OTUD1: variants seen among roughly 807,000 people sequenced by gnomAD.
OTUD1 encodes OTU deubiquitinase 1.
A neutral mutation model predicts 30.0 loss-of-function variants in OTUD1; 15 were observed. The observed-to-expected ratio is 0.50, with a 90% CI of 0.33 to 0.77. The LOEUF (loss-of-function observed/expected upper bound fraction) is 0.77, where lower values mean the gene tolerates loss of function less well. Ranked by LOEUF, OTUD1 falls within the 30% of genes least tolerant of loss-of-function variation. The pLI is 0.02. For synonymous variants in OTUD1, 381 were observed against 326.3 expected (o/e 1.17, Z -1.81); for missense variants, 796 against 697.8 (o/e 1.14, Z -1.59).
chr10:23,439,759 A>G lies in OTUD1; in HGVS notation c.302A>G (p.Lys101Arg). 6.9e-6 allele frequency: 8 copies of G among 1,158,112 alleles called. No individual in the cohort carries two copies. Among genetic ancestry groups the G allele is most frequent in the Non-Finnish European group, 8.5e-6 (8 of 944,120 alleles). 71.7% of individuals were successfully genotyped at this position (1,158,112 alleles called of 1,614,324 possible). Residue 101 changes from lysine to arginine, a missense_variant, in exon 1 of 1, where the codon AAG (lysine) becomes AGG (arginine). Coordinates refer to ENST00000376495, the MANE Select transcript of OTUD1 (RefSeq NM_001145373.3). ...AAAGPPGASCKPPLPPHYTST... is the reference protein window; with the variant it reads ...AAAGPPGASCRPPLPPHYTST... ...GCCGGCCCGCCCGGCGCGTCCTGCAAGCCGCCGCTGCCGCCGCACTACACG... is the reference window on the plus strand; with the variant it reads ...GCCGGCCCGCCCGGCGCGTCCTGCAGGCCGCCGCTGCCGCCGCACTACACG...
rs74122449 is a variant in OTUD1, at chr10:23,440,342, C to G, written c.885C>G (p.Ala295=). The G allele has an allele frequency of 1.9e-6, 3 of 1,551,308 alleles. No homozygotes were observed. The South Asian group carries it at 3.6e-5, about 18-fold the overall frequency. ...PRDEKLALYL[A]EVEKQDKYLR... The stretch of plus-strand genomic sequence containing the variant: ...ACGAGAAGCTGGCCCTATACCTGGC[C>G]GAGGTGGAGAAGCAGGACAAGTATC... Residue 295 remains alanine (A), a synonymous_variant, in exon 1 of 1, where the codon GCC becomes GCG. Coordinates refer to ENST00000376495, the MANE Select transcript of OTUD1 (RefSeq NM_001145373.3).
chr10:23,440,951 T>G lies in OTUD1; in HGVS notation c.*48T>G, dbSNP rs938312568. 16 of 1,497,634 alleles carry G rather than the reference T, an allele frequency of 1.1e-5. No individual in the cohort carries two copies. The highest frequency in any genetic ancestry group is 2.2e-5 in the Admixed American group (1 of 44,994). The allele number at this position is 1,497,634 out of a possible 1,614,324, so 92.8% of individuals were successfully genotyped here. On this transcript the variant is annotated 3_prime_UTR_variant, in exon 1 of 1. Coordinates refer to ENST00000376495, the MANE Select transcript of OTUD1 (RefSeq NM_001145373.3). ...TGGGAATAATTGCATATATAACTTG[T>G]GTTTGGAGAATCACATGAACTTTAA...
rs1187954246 is a variant in OTUD1, at chr10:23,439,629, G to A, written c.172G>A (p.Ala58Thr). 7.7e-7 allele frequency: 1 copy of A among 1,296,546 alleles called. No individual in the cohort carries two copies. Among genetic ancestry groups the A allele is most frequent in the Non-Finnish European group, 9.8e-7 (1 of 1,019,180 alleles). 80.3% of individuals were successfully genotyped at this position (1,296,546 alleles called of 1,614,324 possible). Residue 58 changes from alanine (A) to threonine (T), a missense_variant, in exon 1 of 1, where the codon GCC becomes ACC. Ala to Thr is a moderately conservative substitution (Grantham distance 58). Coordinates refer to ENST00000376495, the MANE Select transcript of OTUD1 (RefSeq NM_001145373.3). ...GACCGGTGAGTGCCAGCCCGCCGCG[G>A]CCGCCGAGCACCGGGAAGCCGCCGC... ...PETGECQPAA[A>T]AEHREAAAVP...
At position 23,440,095 on chromosome 10, in the gene OTUD1, C is replaced by T. The variant is rs1459612833; in HGVS notation, c.638C>T (p.Thr213Ile). The T allele has an allele frequency of 7.0e-7, 1 of 1,426,638 alleles. No homozygotes were observed. Among genetic ancestry groups the T allele is most frequent in the Non-Finnish European group, 9.1e-7 (1 of 1,098,880 alleles). The allele number at this position is 1,426,638 out of a possible 1,614,324, so 88.4% of individuals were successfully genotyped here. Reference sequence around the variant, plus strand: ...GCCAAGCACCGAGGCCCCGCGGCGACCCCGGGGAGCCCCGATCCCGGCCCC... The same window carrying T: ...GCCAAGCACCGAGGCCCCGCGGCGATCCCGGGGAGCCCCGATCCCGGCCCC... ...AAAKHRGPAA[T>I]PGSPDPGPGP... Residue 213 changes from threonine (T) to isoleucine (I), a missense_variant, in exon 1 of 1, where the codon ACC (threonine) becomes ATC (isoleucine). Thr to Ile is a moderately conservative substitution (Grantham distance 89). Transcript: ENST00000376495.
In OTUD1 at chr10:23,440,396, C is replaced by T. The variant is rs1362791510; in HGVS notation, c.939C>T (p.His313=). ...GGCAGAGGAATAAGTACCGATTCCA[C>T]ATCATTCCAGACGGCAACTGCCTCT... ...YLRQRNKYRF[H]IIPDGNCLYR... The change falls in exon 1 of 1, where the codon CAC becomes CAT. Residue 313 remains histidine, a synonymous_variant. Coordinates refer to ENST00000376495, the MANE Select transcript of OTUD1 (RefSeq NM_001145373.3). The T allele has an allele frequency of 1.9e-6, 3 of 1,551,650 alleles. No homozygotes were observed. The highest frequency in any genetic ancestry group is 1.4e-5 in the African/African-American group (1 of 73,176).
In OTUD1 at chr10:23,440,146, C is replaced by G. The variant is rs1413605211; in HGVS notation, c.689C>G (p.Ala230Gly). Residue 230 changes from alanine to glycine, a missense_variant, in exon 1 of 1, where the codon GCG (alanine) becomes GGG (glycine). By Grantham distance (60) the Ala-to-Gly change is moderately conservative. Coordinates refer to ENST00000376495, the MANE Select transcript of OTUD1 (RefSeq NM_001145373.3). The stretch of plus-strand genomic sequence containing the variant: ...GGTCCGTGGGGCGAAGAGCACTTGG[C>G]GGAGAGGGGCCCCAGGGGCTGGGAG... ...GPGPWGEEHL[A>G]ERGPRGWERG... 4.9e-6 allele frequency: 7 copies of G among 1,438,426 alleles called. No individual in the cohort carries two copies. Among genetic ancestry groups the G allele is most frequent in the Non-Finnish European group, 6.3e-6 (7 of 1,102,496 alleles). 89.1% of individuals were successfully genotyped at this position (1,438,426 alleles called of 1,614,324 possible). A position where few individuals can be genotyped will look rare whatever the true frequency, so the allele number is the denominator to read the frequency against.
chr10:23,440,261 G>A lies in OTUD1; in HGVS notation c.804G>A (p.Glu268=), dbSNP rs1352719021. The A allele has an allele frequency of 1.9e-6, 3 of 1,546,356 alleles. No homozygotes were observed. Among genetic ancestry groups the A allele is most frequent in the Non-Finnish European group, 1.7e-6 (2 of 1,143,732 alleles). ...EAEAPPAGSI[E]AAPSSAAEPV... is the part of the protein sequence containing the mutation. ...AGGCACCCCCCGCCGGGAGCATCGA[G>A]GCCGCCCCGAGTAGTGCGGCGGAGC... Residue 268 remains glutamate, a synonymous_variant, in exon 1 of 1, where the codon GAG becomes GAA. Transcript: ENST00000376495.
chr10:23,439,410 G>A lies in OTUD1; in HGVS notation c.-48G>A. 3.2e-6 allele frequency: 4 copies of A among 1,233,272 alleles called. No individual in the cohort carries two copies. The highest frequency in any genetic ancestry group is 3.0e-5 in the South Asian group (1 of 33,188). 76.4% of individuals were successfully genotyped at this position (1,233,272 alleles called of 1,614,324 possible). On this transcript the variant is annotated 5_prime_UTR_variant, in exon 1 of 1. Coordinates refer to ENST00000376495, the MANE Select transcript of OTUD1 (RefSeq NM_001145373.3). ...CCCGGGCCCGGAGGGTGTGTCCCCC[G>A]CTCCGGGGCTCGCCGCGCCTATAAG...
rs1398899578 is a variant in OTUD1, at chr10:23,440,279, G to A, written c.822G>A (p.Ala274=). The A allele has an allele frequency of 6.5e-7, 1 of 1,549,786 alleles. No homozygotes were observed. Among genetic ancestry groups the A allele is most frequent in the Non-Finnish European group, 8.7e-7 (1 of 1,146,356 alleles). Residue 274 remains alanine (A), a synonymous_variant, in exon 1 of 1, where the codon GCG becomes GCA. Transcript: ENST00000376495. ...GCATCGAGGCCGCCCCGAGTAGTGCGGCGGAGCCGGTGATCGTCTCCAGGT... is the reference window on the plus strand; with the variant it reads ...GCATCGAGGCCGCCCCGAGTAGTGCAGCGGAGCCGGTGATCGTCTCCAGGT... ...AGSIEAAPSS[A]AEPVIVSRSD... is the part of the protein sequence containing the mutation.
At position 23,440,287 on chromosome 10, in the gene OTUD1, C is replaced by G; in HGVS notation, c.830C>G (p.Pro277Arg). The part of the protein sequence containing the change: ...IEAAPSSAAE[P>R]VIVSRSDPRD... ...GCCGCCCCGAGTAGTGCGGCGGAGC[C>G]GGTGATCGTCTCCAGGTCGGATCCC... The change falls in exon 1 of 1, where the codon CCG becomes CGG. Residue 277 changes from proline to arginine, a missense_variant. Pro to Arg is a moderately radical substitution (Grantham distance 103, BLOSUM62 -2). Transcript: ENST00000376495. 1 of 1,550,246 alleles carries G rather than the reference C, an allele frequency of 6.5e-7. No homozygotes were observed. The highest frequency in any genetic ancestry group is 8.7e-7 in the Non-Finnish European group (1 of 1,146,556).
At position 23,439,651 on chromosome 10, in the gene OTUD1, C is replaced by T. The variant is rs1464805681; in HGVS notation, c.194C>T (p.Ala65Val). 5 of 1,302,210 alleles carry T rather than the reference C, an allele frequency of 3.8e-6. No homozygotes were observed. In the East Asian group the frequency reaches 1.5e-4, roughly 39 times the overall value. The allele number at this position is 1,302,210 out of a possible 1,614,324, so 80.7% of individuals were successfully genotyped here. A position where few individuals can be genotyped will look rare whatever the true frequency, so the allele number is the denominator to read the frequency against. ...PAAAAEHREA[A>V]AVPAAKMPAF... ...GCGGCCGCCGAGCACCGGGAAGCCG[C>T]CGCTGTCCCCGCCGCCAAGATGCCC... Residue 65 changes from alanine (A) to valine (V), a missense_variant, in exon 1 of 1, where the codon GCC becomes GTC. Coordinates refer to ENST00000376495, the MANE Select transcript of OTUD1 (RefSeq NM_001145373.3).
Position 23,440,882 on chromosome 10 carries a change from T to C in OTUD1, c.1425T>C (p.Ile475=). ...SMAISLSKMY[I]EQNACS is the part of the protein sequence containing the mutation. Reference sequence around the variant, plus strand: ...CCATATCCTTGTCTAAAATGTATATTGAACAAAATGCATGCTCTTGAAATG... The same window carrying C: ...CCATATCCTTGTCTAAAATGTATATCGAACAAAATGCATGCTCTTGAAATG... Residue 475 remains isoleucine (I), a synonymous_variant, in exon 1 of 1, where the codon ATT becomes ATC. Transcript: ENST00000376495. The C allele has an allele frequency of 7.1e-6, 11 of 1,551,446 alleles. No individual in the cohort carries two copies. Among genetic ancestry groups the C allele is most frequent in the Non-Finnish European group, 9.6e-6 (11 of 1,146,806 alleles).
rs1439460119 is a variant in OTUD1 at position 23,439,740 on chromosome 10, C to T, written c.283C>T (p.Pro95Ser). 5 of 1,167,704 alleles carry T rather than the reference C, an allele frequency of 4.3e-6. No homozygotes were observed. Among genetic ancestry groups the T allele is most frequent in the Admixed American group, 9.4e-5 (2 of 21,278 alleles). 72.3% of individuals were successfully genotyped at this position (1,167,704 alleles called of 1,614,324 possible). ...AAAPASAAAG[P>S]PGASCKPPLP... The stretch of plus-strand genomic sequence containing the variant: ...CGCGCCCGCCTCCGCCGCCGCCGGC[C>T]CGCCCGGCGCGTCCTGCAAGCCGCC... The change falls in exon 1 of 1, where the codon CCG (proline) becomes TCG (serine). Residue 95 changes from proline (P) to serine (S), a missense_variant. Coordinates refer to ENST00000376495, the MANE Select transcript of OTUD1 (RefSeq NM_001145373.3).
Position 23,439,490 on chromosome 10 carries a change from C to T in OTUD1, c.33C>T (p.Tyr11=), listed in dbSNP as rs1369204174. Residue 11 remains tyrosine (Y), a synonymous_variant, in exon 1 of 1, where the codon TAC becomes TAT. Coordinates refer to ENST00000376495, the MANE Select transcript of OTUD1 (RefSeq NM_001145373.3). The part of the protein sequence containing the change: MQLYSSVCTH[Y]PAGAPGPTAA... ...TCTACAGCAGCGTCTGCACCCACTA[C>T]CCCGCCGGGGCCCCGGGTCCCACGG... 1.2e-5 allele frequency: 16 copies of T among 1,370,406 alleles called. No homozygotes were observed. In the African/African-American group the frequency reaches 2.1e-4, roughly 18 times the overall value. The allele number at this position is 1,370,406 out of a possible 1,614,324, so 84.9% of individuals were successfully genotyped here.
rs891937360 is a variant in OTUD1 at position 23,442,271 on chromosome 10, G to A, written c.*1368G>A. On this transcript the variant is annotated 3_prime_UTR_variant, in exon 1 of 1. Transcript: ENST00000376495. ...GTACACAATTTTTTTTTTCCATAAA[G>A]ATGCCACAGCAATAGAGAGGTTTCC... 3 of 166,780 alleles carry A rather than the reference G, an allele frequency of 1.8e-5. No individual in the cohort carries two copies. Among genetic ancestry groups the A allele is most frequent in the African/African-American group, 7.3e-5 (3 of 41,322 alleles). 10.3% of individuals were successfully genotyped at this position (166,780 alleles called of 1,614,324 possible). A position where few individuals can be genotyped will look rare whatever the true frequency, so the allele number is the denominator to read the frequency against.
Position 23,442,350 on chromosome 10 carries a change from T to C in OTUD1, c.*1447T>C, listed in dbSNP as rs1343839861. The C allele has an allele frequency of 6.0e-6, 1 of 167,104 alleles. No homozygotes were observed. The highest frequency in any genetic ancestry group is 1.5e-5 in the Non-Finnish European group (1 of 68,126). The allele number at this position is 167,104 out of a possible 1,614,324, so 10.4% of individuals were successfully genotyped here. A position where few individuals can be genotyped will look rare whatever the true frequency, so the allele number is the denominator to read the frequency against. ...ATCATGAGTAATTTCAAAGGATAAGTCTGAATAAAATATAATTTAAAAGTG... is the reference window on the plus strand; with the variant it reads ...ATCATGAGTAATTTCAAAGGATAAGCCTGAATAAAATATAATTTAAAAGTG... On this transcript the variant is annotated 3_prime_UTR_variant, in exon 1 of 1. Coordinates refer to ENST00000376495, the MANE Select transcript of OTUD1 (RefSeq NM_001145373.3).
Position 23,439,384 on chromosome 10 carries a change from C to T in OTUD1, c.-74C>T, listed in dbSNP as rs1274459098. 7.5e-6 allele frequency: 9 copies of T among 1,196,290 alleles called. No homozygotes were observed. The highest frequency in any genetic ancestry group is 3.4e-5 in the South Asian group (1 of 29,732). The allele number at this position is 1,196,290 out of a possible 1,614,324, so 74.1% of individuals were successfully genotyped here. A position where few individuals can be genotyped will look rare whatever the true frequency, so the allele number is the denominator to read the frequency against. ...GTCACCGCGCTCCGCCGGCCCCCTCCCCCGGGCCCGGAGGGTGTGTCCCCC... is the reference window on the plus strand; with the variant it reads ...GTCACCGCGCTCCGCCGGCCCCCTCTCCCGGGCCCGGAGGGTGTGTCCCCC... On this transcript the variant is annotated 5_prime_UTR_variant, in exon 1 of 1. Coordinates refer to ENST00000376495, the MANE Select transcript of OTUD1 (RefSeq NM_001145373.3).
At position 23,439,722 on chromosome 10, in the gene OTUD1, GC is replaced by G; in HGVS notation, c.267del (p.Ser90ProfsTer106). On this transcript the variant is annotated frameshift_variant, in exon 1 of 1. Transcript: ENST00000376495. LOFTEE classifies it high-confidence loss of function. ...FEVVSGAAAP[A>X]SAAAGPPGAS... ...GGTGGTGTCCGGGGCCGCCGCGCCC[GC>G]CTCCGCCGCCGCCGGCCCGCCCGGC... 2 of 1,178,022 alleles carry G rather than the reference GC, an allele frequency of 1.7e-6. No homozygotes were observed. Among genetic ancestry groups the G allele is most frequent in the Non-Finnish European group, 2.1e-6 (2 of 957,494 alleles). The allele number at this position is 1,178,022 out of a possible 1,614,324, so 73.0% of individuals were successfully genotyped here. A position where few individuals can be genotyped will look rare whatever the true frequency, so the allele number is the denominator to read the frequency against.
Position 23,439,586 on chromosome 10 carries a change from C to T in OTUD1, c.129C>T (p.Gly43=). 2 of 1,367,652 alleles carry T rather than the reference C, an allele frequency of 1.5e-6. No individual in the cohort carries two copies. The highest frequency in any genetic ancestry group is 1.9e-6 in the Non-Finnish European group (2 of 1,055,752). The allele number at this position is 1,367,652 out of a possible 1,614,324, so 84.7% of individuals were successfully genotyped here. ...KVSLQPPGAA[G]AAPEPETGEC... ...CGCTGCAGCCCCCGGGAGCCGCCGG[C>T]GCCGCGCCCGAGCCCGAGACCGGTG... Residue 43 remains glycine (G), a synonymous_variant, in exon 1 of 1, where the codon GGC becomes GGT. Coordinates refer to ENST00000376495, the MANE Select transcript of OTUD1 (RefSeq NM_001145373.3).
Sources: gnomAD v4.1 joint callset for allele counts on GRCh38, gnomAD v4.1.1 for gene constraint, MANE v1.5 for transcripts, NCBI Gene and HGNC (gene_info 2026-07-23, HGNC 2026-07-21) for gene names.